LMBRD1: variants seen among roughly 807,000 people sequenced by gnomAD.
LMBRD1 encodes the protein lysosomal cobalamin transport escort protein LMBD1.
A neutral mutation model predicts 74.8 loss-of-function variants in LMBRD1; 64 were observed. That is an observed-to-expected ratio of 0.86 (90% CI 0.70 to 1.05). LMBRD1 has a LOEUF of 1.05. Among genes scored for constraint, LMBRD1 ranks in the 50% least tolerant of loss-of-function variants. The pLI, the probability that LMBRD1 is intolerant of heterozygous loss-of-function variation, is 0.00. For synonymous variants in LMBRD1, 204 were observed against 216.3 expected (o/e 0.94, Z 0.50); for missense variants, 652 against 645.9 (o/e 1.01, Z -0.10).
chr6:69,788,212 C>T (rs1242867684), intron 2 of LMBRD1, among the ~76,000 whole-genome samples: 2 of 152,100 alleles, frequency 1.3e-5, no homozygotes, highest in Non-Finnish European at 2.9e-5. Context: ...TGTTTTCCCA[C>T]AAAATCTAAA....
chr6:69,739,231 A>T (rs1767040993), intron 6 of LMBRD1, among the ~76,000 whole-genome samples: 1 of 152,200 alleles, frequency 6.6e-6, no homozygotes, highest in Admixed American at 6.5e-5. Context: ...AGACATGCTG[A>T]CATATTTGGC....
At chr6:69,761,091 T>C (rs551344320) in intron 3 of LMBRD1, among the ~76,000 whole-genome samples, 12 of 152,350 alleles carry the variant, frequency 7.9e-5, no homozygotes, top group Admixed American at 3.3e-4. Context: ...TTGAGGTAAT[T>C]TGTTACATGA....
chr6:69,780,433 G>T, intron 3 of LMBRD1, 61 bp downstream of exon 3: 1 of 1,213,412 alleles, frequency 8.2e-7, no homozygotes, highest in Non-Finnish European at 1.2e-6. Flanking sequence ...TCCACTCATC[G>T]GAGTCGTATC....
intron 7 of LMBRD1, among the ~76,000 whole-genome samples, chr6:69,729,086 C>T (rs556440962): frequency 6.6e-6 from 1 of 151,634 alleles, no homozygotes; most frequent in Non-Finnish European, 1.5e-5. Context: ...TGACCTGATC[C>T]CTACCAACTT....
chr6:69,703,744 T>C (rs1280470918), intron 9 of LMBRD1, among the ~76,000 whole-genome samples: 4 of 152,072 alleles, frequency 2.6e-5, no homozygotes, highest in African/African-American at 9.7e-5. Flanking sequence ...AAAATTAAAC[T>C]ATAGAGGTAA....
chr6:69,742,925 T>C (rs1490694803), intron 5 of LMBRD1, among the ~76,000 whole-genome samples: 1 of 152,152 alleles, frequency 6.6e-6, no homozygotes, highest in Non-Finnish European at 1.5e-5. Flanking sequence ...CAGTTTACTA[T>C]ATTCTTCTTA....
intron 1 of LMBRD1, among the ~76,000 whole-genome samples, chr6:69,796,223 C>A (rs1157160900): frequency 1.3e-5 from 2 of 152,152 alleles, no homozygotes; most frequent in Non-Finnish European, 2.9e-5. Flanking sequence ...CCGCCCTCCA[C>A]AGGTATCTAC....
intron 3 of LMBRD1, among the ~76,000 whole-genome samples, chr6:69,763,487 G>T: frequency 6.6e-6 from 1 of 152,152 alleles, no homozygotes; most frequent in East Asian, 1.9e-4. Context: ...AGGCTTCTTG[G>T]ATCCTACAGG....
At chr6:69,782,331 A>G (rs1031595882) in intron 2 of LMBRD1, among the ~76,000 whole-genome samples, 2 of 152,216 alleles carry the variant, frequency 1.3e-5, no homozygotes, top group African/African-American at 4.8e-5. Flanking sequence ...TAAGAGACCC[A>G]AAGTCTCCAG....
At chr6:69,781,013 G>A (rs1209638778) in intron 2 of LMBRD1, among the ~76,000 whole-genome samples, 1 of 152,198 alleles carries the variant, frequency 6.6e-6, no homozygotes, top group Non-Finnish European at 1.5e-5. Flanking sequence ...TCAGGGGCTT[G>A]TGAGTCATGC....
At chr6:69,745,824 A>G (rs985587130) in intron 5 of LMBRD1, 2 of 153,334 alleles carry the variant, frequency 1.3e-5, no homozygotes, top group Admixed American at 1.3e-4. Context: ...CCCATTCTAC[A>G]GAAAGCCTCA....
intron 3 of LMBRD1, among the ~76,000 whole-genome samples, chr6:69,774,964 AG>A (rs1562121622): frequency 2.3e-4 from 8 of 34,652 alleles, no homozygotes; most frequent in African/African-American, 7.8e-4. Context: ...GAAGGAAGGA[AG>A]GAAGGAAGGA....
At chr6:69,687,544 T>C (rs1341805389) in intron 14 of LMBRD1, among the ~76,000 whole-genome samples, 3 of 152,174 alleles carry the variant, frequency 2.0e-5, no homozygotes, top group Non-Finnish European at 2.9e-5. Context: ...AAATGACCTA[T>C]GTAATACTGG....
chr6:69,705,693 T>C (rs1354385335), intron 9 of LMBRD1: 122 of 988,040 alleles, frequency 1.2e-4, no homozygotes, highest in Middle Eastern at 2.6e-4. Flanking sequence ...AGTAGCAAGT[T>C]TTACTTTTTT....
intron 7 of LMBRD1, among the ~76,000 whole-genome samples, chr6:69,728,093 G>A (rs1024072775): frequency 6.6e-6 from 1 of 152,170 alleles, no homozygotes; most frequent in South Asian, 2.1e-4. Flanking sequence ...AGCATGGTTA[G>A]GGACACCTCA....
At chr6:69,787,377 A>C (rs9342776) in intron 2 of LMBRD1, among the ~76,000 whole-genome samples, 1 of 152,292 alleles carries the variant, frequency 6.6e-6, no homozygotes, top group East Asian at 1.9e-4. Context: ...TCAAGGTATC[A>C]AAAAAACTAC....
At chr6:69,750,341 G>C (rs1765104108) in intron 4 of LMBRD1, among the ~76,000 whole-genome samples, 1 of 151,744 alleles carries the variant, frequency 6.6e-6, no homozygotes, top group Non-Finnish European at 1.5e-5. Context: ...GGTCATAAGT[G>C]ATTAAATAAG....
At chr6:69,724,940 A>C (rs541926277) in intron 7 of LMBRD1, among the ~76,000 whole-genome samples, 7 of 152,226 alleles carry the variant, frequency 4.6e-5, no homozygotes, top group African/African-American at 1.7e-4. Context: ...GTTTGCAATG[A>C]TATAATTTTA....
chr6:69,784,776 T>C (rs1325831896), intron 2 of LMBRD1, among the ~76,000 whole-genome samples: 5 of 152,164 alleles, frequency 3.3e-5, no homozygotes, highest in Admixed American at 3.3e-4. Flanking sequence ...CACCCAACCC[T>C]TTCACTTTCA....
Sources: gnomAD v4.1 joint callset for allele counts (sites outside exome capture counted in the v4.1 genomes callset) on GRCh38, gnomAD v4.1.1 for gene constraint, MANE v1.5 for transcripts, NCBI Gene and HGNC (gene_info 2026-07-23, HGNC 2026-07-21) for gene names.